Variants in ZFPM2 observed in about 807,000 individuals in gnomAD.
ZFPM2 encodes the protein zinc finger protein ZFPM2.
ZFPM2 carries 20 observed loss-of-function variants against 98.6 expected under a neutral mutation model. That is an observed-to-expected ratio of 0.20 (90% CI 0.14 to 0.29). The LOEUF is 0.29. Among genes scored for constraint, ZFPM2 ranks in the 10% least tolerant of loss-of-function variants. The pLI is 1.00. For synonymous variants in ZFPM2, 518 were observed against 502.7 expected (o/e 1.03, Z -0.41); for missense variants, 1,310 against 1,388.6 (o/e 0.94, Z 0.90).
chr8:105,364,820 T>C (rs1267247777), intron 1 of ZFPM2, among the ~76,000 whole-genome samples: 1 of 152,096 alleles, frequency 6.6e-6, no homozygotes, highest in South Asian at 2.1e-4. Context: ...GGACAATCCA[T>C]TTCTTGTGTA....
At position 105,419,361 on chromosome 8, in the gene ZFPM2, TA is replaced by T. The variant is rs11454988; in HGVS notation, c.199+66del. On this transcript the variant is annotated intron_variant, in intron 2 of 7. Transcript: ENST00000407775. ...CCACTTAAATGATTTTGTAATGTTT[TA>T]AAAAAATGCATAATAGTCCTCAGAG... The T allele has an allele frequency of 3.2e-6, 5 of 1,568,494 alleles. No individual in the cohort carries two copies. The South Asian group carries it at 3.6e-5, about 11-fold the overall frequency.
intron 4 of ZFPM2, among the ~76,000 whole-genome samples, chr8:105,609,933 T>A (rs1816273668): frequency 2.0e-5 from 3 of 152,136 alleles, no homozygotes; most frequent in Admixed American, 6.6e-5. Flanking sequence ...TCTGTTTTAA[T>A]GTCTGTTTCT....
At chr8:105,772,049 A>G (rs764216088) in intron 5 of ZFPM2, among the ~76,000 whole-genome samples, 5 of 152,132 alleles carry the variant, frequency 3.3e-5, no homozygotes, top group Non-Finnish European at 7.3e-5. Flanking sequence ...ATTACACACA[A>G]TCCCATGGAG....
intron 1 of ZFPM2, among the ~76,000 whole-genome samples, chr8:105,385,267 A>G (rs1810965264): frequency 6.6e-6 from 1 of 152,228 alleles, no homozygotes; most frequent in Non-Finnish European, 1.5e-5. Context: ...CAGGTTGTGA[A>G]GGATGCTGCT....
chr8:105,702,895 G>A (rs1002776088), intron 5 of ZFPM2, among the ~76,000 whole-genome samples: 16 of 152,310 alleles, frequency 1.1e-4, no homozygotes, highest in Admixed American at 5.9e-4. Context: ...TGTTGGGATG[G>A]AAGGTTAGGA....
intron 1 of ZFPM2, among the ~76,000 whole-genome samples, chr8:105,342,957 C>T (rs1812456560): frequency 6.6e-6 from 1 of 151,960 alleles, no homozygotes; most frequent in African/African-American, 2.4e-5. Context: ...CTTCTGGAGG[C>T]AGACTCAAGT....
chr8:105,373,479 A>G (rs1810663815), intron 1 of ZFPM2, among the ~76,000 whole-genome samples: 1 of 152,142 alleles, frequency 6.6e-6, no homozygotes, highest in Admixed American at 6.5e-5. Context: ...TCTGATGGAG[A>G]GTAGTCTTAA....
intron 3 of ZFPM2, among the ~76,000 whole-genome samples, chr8:105,467,379 A>G (rs1266730668): frequency 6.6e-6 from 1 of 152,134 alleles, no homozygotes; most frequent in Non-Finnish European, 1.5e-5. Context: ...AGGACACACA[A>G]GATACTTATA....
intron 5 of ZFPM2, among the ~76,000 whole-genome samples, chr8:105,779,362 CT>C (rs1795003129): frequency 6.6e-6 from 1 of 152,202 alleles, no homozygotes; most frequent in African/African-American, 2.4e-5. Context: ...CTTCACATTC[CT>C]TGCATTTCCT....
At chr8:105,615,625 C>T (rs1172116422) in intron 4 of ZFPM2, among the ~76,000 whole-genome samples, 1 of 151,986 alleles carries the variant, frequency 6.6e-6, no homozygotes, top group Non-Finnish European at 1.5e-5. Flanking sequence ...ATCAAGAAAG[C>T]AAGCAAAGAT....
At chr8:105,489,328 T>C (rs1220751479) in intron 3 of ZFPM2, among the ~76,000 whole-genome samples, 5 of 149,916 alleles carry the variant, frequency 3.3e-5, no homozygotes, top group Non-Finnish European at 7.4e-5. Context: ...CAAGAACACG[T>C]TTCATGTATA....
At chr8:105,469,809 G>A (rs1438364103) in intron 3 of ZFPM2, among the ~76,000 whole-genome samples, 1 of 152,098 alleles carries the variant, frequency 6.6e-6, no homozygotes, top group Non-Finnish European at 1.5e-5. Context: ...TTGTGCATGG[G>A]TTATATATTT....
chr8:105,659,314 C>T (rs1365490355), intron 5 of ZFPM2, among the ~76,000 whole-genome samples: 1 of 151,876 alleles, frequency 6.6e-6, no homozygotes, highest in African/African-American at 2.4e-5. Flanking sequence ...CAGTGAACAG[C>T]AATTGGCTGT....
intron 3 of ZFPM2, among the ~76,000 whole-genome samples, chr8:105,551,435 C>G (rs1365489232): frequency 6.6e-6 from 1 of 152,042 alleles, no homozygotes; most frequent in East Asian, 1.9e-4. Flanking sequence ...TTTGAACAAA[C>G]TCTTTTTAAA....
At chr8:105,739,668 T>C (rs1812167746) in intron 5 of ZFPM2, among the ~76,000 whole-genome samples, 1 of 151,938 alleles carries the variant, frequency 6.6e-6, no homozygotes, top group Admixed American at 6.6e-5. Context: ...GTTGATTCCT[T>C]TCATTGCTCC....
intron 1 of ZFPM2, among the ~76,000 whole-genome samples, chr8:105,380,829 T>C (rs184602870): frequency 1.2e-5 from 1 of 84,528 alleles, no homozygotes; most frequent in Non-Finnish European, 2.1e-5. Flanking sequence ...TAATATATAA[T>C]ATATATGTTA....
At chr8:105,454,346 CAGATTCGATA>C (rs1812545893) in intron 3 of ZFPM2, among the ~76,000 whole-genome samples, 1 of 152,120 alleles carries the variant, frequency 6.6e-6, no homozygotes, top group Non-Finnish European at 1.5e-5. Context: ...TGAATAAATT[CAGATTCGATA>C]TGGTGGGCAT....
intron 5 of ZFPM2, among the ~76,000 whole-genome samples, chr8:105,734,675 G>A (rs913652093): frequency 1.3e-5 from 2 of 151,870 alleles, no homozygotes; most frequent in African/African-American, 4.8e-5. Flanking sequence ...GTAAACTTAT[G>A]AGAGATTGCT....
chr8:105,653,538 G>T (rs1421967540), intron 5 of ZFPM2, among the ~76,000 whole-genome samples: 5 of 152,170 alleles, frequency 3.3e-5, no homozygotes, highest in Non-Finnish European at 7.3e-5. Context: ...AAATGTAAAA[G>T]CTCAGGCCTC....
Sources: allele counts gnomAD v4.1 joint callset (sites outside exome capture counted in the v4.1 genomes callset), GRCh38; gene constraint gnomAD v4.1.1; transcripts MANE v1.5; gene names NCBI Gene and HGNC (gene_info 2026-07-23, HGNC 2026-07-21).